The following ENPP6 variants were observed in gnomAD, a reference collection of about 807,000 sequenced individuals.
ENPP6 encodes the protein ectonucleotide pyrophosphatase/phosphodiesterase 6, also known as glycerophosphocholine cholinephosphodiesterase ENPP6.
In ENPP6, 32 loss-of-function variants were observed where a neutral mutation model predicts 42.0. The observed-to-expected ratio is 0.76, with a 90% CI of 0.58 to 1.02. The LOEUF (loss-of-function observed/expected upper bound fraction) is 1.02. Ranked by LOEUF, ENPP6 falls within the 50% of genes least tolerant of loss-of-function variation. The probability of loss-of-function intolerance (pLI) is 0.00; values close to 1 mark genes in which losing one functional copy is unlikely to be tolerated. For synonymous variants in ENPP6, 213 were observed against 216.0 expected, an observed-to-expected ratio of 0.99 and a Z score of 0.12; for missense variants, 552 against 566.8, an observed-to-expected ratio of 0.97 and a Z score of 0.27.
intron 7 of ENPP6, among the ~76,000 whole-genome samples, chr4:184,096,359 G>A (rs1735901900): frequency 6.6e-6 from 1 of 152,180 alleles, no homozygotes; most frequent in Admixed American, 6.5e-5. Flanking sequence ...CCAACATCTA[G>A]AAAAAGGCAT....
At chr4:184,169,328 C>T (rs1011232323) in intron 1 of ENPP6, among the ~76,000 whole-genome samples, 2 of 152,120 alleles carry the variant, frequency 1.3e-5, no homozygotes, top group African/African-American at 2.4e-5. Flanking sequence ...CCATTCCTCT[C>T]GGTGGCCGAG....
rs145892678 is a variant in ENPP6 at position 184,112,730 on chromosome 4, T to C, written c.935A>G (p.Lys312Arg). ...EAIPSRFYYK[K>R]GKFVSPLTLV... ...AGTCAAAGGAGAGACAAACTTTCCT[T>C]TCTTGTAATAGAACCTGCTTGGGAT... is the stretch of plus-strand genomic sequence containing the variant. Residue 312 changes from lysine (K) to arginine (R), a missense_variant, in exon 6 of 8, where the codon AAA becomes AGA. By Grantham distance (26) the Lys-to-Arg change is conservative. This residue lies in a region of ENPP6 where 545 missense variants were observed against 546.3 expected (regional missense o/e 1.00). Transcript: ENST00000296741. 65 of 1,614,044 alleles carry C rather than the reference T, an allele frequency of 4.0e-5. No homozygotes were observed. The African/African-American group carries it at 8.3e-4, about 21-fold the overall frequency.
At chr4:184,141,700 G>C (rs904982788) in intron 2 of ENPP6, among the ~76,000 whole-genome samples, 7 of 152,060 alleles carry the variant, frequency 4.6e-5, no homozygotes, top group South Asian at 2.1e-4. Flanking sequence ...TTGGAAAATA[G>C]AGCATTAGTG....
intron 2 of ENPP6, among the ~76,000 whole-genome samples, chr4:184,142,856 G>GA (rs1736845897): frequency 6.6e-6 from 1 of 152,202 alleles, no homozygotes; most frequent in Non-Finnish European, 1.5e-5. Flanking sequence ...TTTAGATCAG[G>GA]AAAAATCCCT....
At chr4:184,168,596 C>A (rs1288926041) in intron 1 of ENPP6, among the ~76,000 whole-genome samples, 3 of 152,248 alleles carry the variant, frequency 2.0e-5, no homozygotes, top group African/African-American at 7.2e-5. Flanking sequence ...CCCGCCACTG[C>A]CCTCTGCTGG....
intron 1 of ENPP6, among the ~76,000 whole-genome samples, chr4:184,171,799 A>G (rs72699715): frequency 3.6e-5 from 5 of 137,122 alleles, no homozygotes; most frequent in Admixed American, 7.6e-5. Context: ...TTTTTTTTTT[A>G]AACCCCAGTG....
At chr4:184,178,726 A>T (rs1225655040) in intron 1 of ENPP6, among the ~76,000 whole-genome samples, 2 of 152,262 alleles carry the variant, frequency 1.3e-5, no homozygotes, top group Non-Finnish European at 2.9e-5. Context: ...AATATTTAAC[A>T]TTCTTAAAGA....
At position 184,160,853 on chromosome 4, in the gene ENPP6, G is replaced by A. The variant is rs566124046; in HGVS notation, c.242-7120C>T. ...GTTGTCTAGAAATGTAGCTCAGCCT[G>A]CTCCTATATGACAAAAAGGAACCTC... On this transcript the variant is annotated intron_variant, in intron 1 of 7. Transcript: ENST00000296741. 1.6e-4 allele frequency among the ~76,000 whole-genome samples: 25 copies of A among 152,180 alleles called. 1 individual carries two copies. The South Asian group carries it at 5.0e-3, about 30-fold the overall frequency.
chr4:184,133,951 T>C (rs1341267058), intron 2 of ENPP6, among the ~76,000 whole-genome samples: 1 of 151,844 alleles, frequency 6.6e-6, no homozygotes, highest in Non-Finnish European at 1.5e-5. Context: ...GGGTTTTCCT[T>C]TTATAAACCC....
chr4:184,159,050 C>T (rs1401617030), intron 1 of ENPP6, among the ~76,000 whole-genome samples: 1 of 152,178 alleles, frequency 6.6e-6, no homozygotes, highest in African/African-American at 2.4e-5. Context: ...TGTCGTGATG[C>T]TTGAATGTTT....
chr4:184,162,348 A>G (rs550457902), intron 1 of ENPP6, among the ~76,000 whole-genome samples: 1 of 152,332 alleles, frequency 6.6e-6, no homozygotes, highest in South Asian at 2.1e-4. Context: ...CTATTGTTGG[A>G]TAATGCTCTC....
intron 2 of ENPP6, among the ~76,000 whole-genome samples, chr4:184,143,775 G>A (rs1736871276): frequency 6.6e-6 from 1 of 152,228 alleles, no homozygotes; most frequent in Admixed American, 6.5e-5. Context: ...GCCTCGCAGT[G>A]AGTGAGTGGC....
intron 1 of ENPP6, among the ~76,000 whole-genome samples, chr4:184,198,843 C>T (rs1225719045): frequency 6.6e-6 from 1 of 152,110 alleles, no homozygotes; most frequent in Admixed American, 6.5e-5. Flanking sequence ...TGTCTGTGTC[C>T]CATCTTGTCT....
At chr4:184,153,038 G>C (rs186323235) in intron 2 of ENPP6, among the ~76,000 whole-genome samples, 63 of 151,544 alleles carry the variant, frequency 4.2e-4, no homozygotes, top group African/African-American at 1.4e-3. Flanking sequence ...TATGTCAAGA[G>C]AATCAGGAAA....
rs149840177 is a variant in ENPP6 at position 184,185,686 on chromosome 4, T to G, written c.241+31893A>C. On this transcript the variant is annotated intron_variant, in intron 1 of 7. Transcript: ENST00000296741. ...CAGACAAATCCAAAATGTGGCATAT[T>G]GTACAAGACAACTGGCTGGGATTTT... is the stretch of plus-strand genomic sequence containing the variant. 3.0e-3 allele frequency among the ~76,000 whole-genome samples: 450 copies of G among 152,352 alleles called. 1 individual carries two copies. The highest frequency in any genetic ancestry group is 0.01 in the African/African-American group (429 of 41,588).
At chr4:184,190,990 T>C (rs1732705375) in intron 1 of ENPP6, among the ~76,000 whole-genome samples, 1 of 152,216 alleles carries the variant, frequency 6.6e-6, no homozygotes, top group South Asian at 2.1e-4. Context: ...ACCCAGGAGG[T>C]TGCTTAGTCT....
At chr4:184,175,569 C>G (rs183590114) in intron 1 of ENPP6, among the ~76,000 whole-genome samples, 2 of 152,108 alleles carry the variant, frequency 1.3e-5, no homozygotes, top group African/African-American at 4.8e-5. Flanking sequence ...GGAAGAAGCA[C>G]AGCCATCACT....
chr4:184,131,135 CACTT>C lies in ENPP6; in HGVS notation c.422-6867_422-6864del, dbSNP rs1157477219. Reference sequence around the variant, plus strand: ...TATTGTTTCAACTTGCTTCCACCAGCACTTACTTTCTTTCTTTCTTTCTTTCTTT... The same window carrying C: ...TATTGTTTCAACTTGCTTCCACCAGCACTTTCTTTCTTTCTTTCTTTCTTT... On this transcript the variant is annotated intron_variant, in intron 2 of 7. Coordinates refer to ENST00000296741, the MANE Select transcript of ENPP6 (RefSeq NM_153343.4). Among the ~76,000 whole-genome samples the C allele has an allele frequency of 7.8e-3, 1,045 of 134,286 alleles. 30 individuals carry two copies. The highest frequency in any genetic ancestry group is 0.018 in the African/African-American group (601 of 33,818). The allele number at this position is 134,286 out of a possible 152,430, so 88.1% of individuals were successfully genotyped here.
Position 184,089,805 on chromosome 4 carries a change from A to C in ENPP6, c.*1372T>G, listed in dbSNP as rs1735756754. The C allele has an allele frequency of 6.6e-6, 1 of 152,182 alleles. No homozygotes were observed. The highest frequency in any genetic ancestry group is 1.5e-5 in the Non-Finnish European group (1 of 68,048). The allele number at this position is 152,182 out of a possible 1,614,324, so 9.4% of individuals were successfully genotyped here. On this transcript the variant is annotated 3_prime_UTR_variant, in exon 8 of 8. Coordinates refer to ENST00000296741, the MANE Select transcript of ENPP6 (RefSeq NM_153343.4). ...CATGCCCAGCCCAAACTCATTTTTT[A>C]ATGCAGTGATAGTGTATGCAAGTAT...
Sources: allele counts gnomAD v4.1 joint callset (sites outside exome capture counted in the v4.1 genomes callset), GRCh38; gene constraint gnomAD v4.1.1; regional missense constraint gnomAD v4.1.1; transcripts MANE v1.5; gene names NCBI Gene and HGNC (gene_info 2026-07-23, HGNC 2026-07-21).